Variants in SEC62 observed in about 807,000 individuals in gnomAD.
SEC62 encodes translocation protein SEC62.
SEC62 carries 10 observed loss-of-function variants against 47.5 expected under a neutral mutation model. The observed-to-expected ratio is 0.21, with a 90% CI of 0.13 to 0.36. The LOEUF (loss-of-function observed/expected upper bound fraction) is 0.36, where lower values mean the gene tolerates loss of function less well. SEC62 is among the 10% of genes least tolerant of loss of function. The probability of loss-of-function intolerance (pLI) is 1.00; values close to 1 mark genes in which losing one functional copy is unlikely to be tolerated. For missense variants in SEC62, 327 were observed against 464.1 expected, an observed-to-expected ratio of 0.70 and a Z score of 2.71; for synonymous variants, 136 against 150.5, an observed-to-expected ratio of 0.90 and a Z score of 0.71.
rs969219661 is a variant in SEC62, at chr3:169,994,278, T to A, written c.*1215T>A. On this transcript the variant is annotated 3_prime_UTR_variant, in exon 8 of 8. Transcript: ENST00000337002. ...GTCTTTGGAAACTCTTGTTTACTTA[T>A]GAGCATAATCATTCCTTGGAGTTAT... The A allele has an allele frequency of 1.3e-5, 2 of 152,654 alleles. No homozygotes were observed. The highest frequency in any genetic ancestry group is 2.9e-5 in the Non-Finnish European group (2 of 68,022). The allele number at this position is 152,654 out of a possible 1,614,324, so 9.5% of individuals were successfully genotyped here.
At chr3:169,966,951 GCGA>G in intron 1 of SEC62, 93 bp downstream of exon 1, 1 of 1,268,104 alleles carries the variant, frequency 7.9e-7, no homozygotes, top group Non-Finnish European at 1.1e-6. Context: ...GAAAGCAAGG[GCGA>G]GGTGGGGTGG....
chr3:169,994,778 T>G lies in SEC62; in HGVS notation c.*1715T>G, dbSNP rs1715335015. 1 of 152,172 alleles carries G rather than the reference T, an allele frequency of 6.6e-6. No homozygotes were observed. The highest frequency in any genetic ancestry group is 6.5e-5 in the Admixed American group (1 of 15,280). The allele number at this position is 152,172 out of a possible 1,614,324, so 9.4% of individuals were successfully genotyped here. On this transcript the variant is annotated 3_prime_UTR_variant, in exon 8 of 8. Transcript: ENST00000337002. ...GTGTTTTTCAGAAATAAAAATTATTTCATTAACCTTTACTATTACTGTGAT... is the reference window on the plus strand; with the variant it reads ...GTGTTTTTCAGAAATAAAAATTATTGCATTAACCTTTACTATTACTGTGAT...
rs1715367275 is a variant in SEC62 at position 169,996,017 on chromosome 3, CAG to C, written c.*2956_*2957del. Reference sequence around the variant, plus strand: ...TTAAACAGTGAAATCAAAAAAAGAACAGAAATGCAAAAACCATGGCATTAGCG... The same window carrying C: ...TTAAACAGTGAAATCAAAAAAAGAACAAATGCAAAAACCATGGCATTAGCG... On this transcript the variant is annotated 3_prime_UTR_variant, in exon 8 of 8. Transcript: ENST00000337002. 1 of 152,014 alleles carries C rather than the reference CAG, an allele frequency of 6.6e-6. No individual in the cohort carries two copies. Among genetic ancestry groups the C allele is most frequent in the African/African-American group, 2.4e-5 (1 of 41,362 alleles). 9.4% of individuals were successfully genotyped at this position (152,014 alleles called of 1,614,324 possible). A position where few individuals can be genotyped will look rare whatever the true frequency, so the allele number is the denominator to read the frequency against.
At chr3:169,975,495 G>T (rs1479850389) in intron 1 of SEC62, 113 bp from the exon 2 acceptor site, 2 of 626,836 alleles carry the variant, frequency 3.2e-6, no homozygotes, top group East Asian at 2.9e-5. Flanking sequence ...AAGCTTGAAA[G>T]CAAGGCCTGT....
chr3:169,971,949 T>C (rs1714709635), intron 1 of SEC62, among the ~76,000 whole-genome samples: 1 of 152,256 alleles, frequency 6.6e-6, no homozygotes, highest in African/African-American at 2.4e-5. Context: ...CTGACATCTT[T>C]ACCTAGCCAT....
chr3:169,974,959 T>C (rs1714795682), intron 1 of SEC62, among the ~76,000 whole-genome samples: 2 of 152,214 alleles, frequency 1.3e-5, no homozygotes, highest in Non-Finnish European at 2.9e-5. Context: ...ACATCTTATC[T>C]TTTTAATTAC....
In SEC62 at chr3:169,986,820, G is replaced by A. The variant is rs532138189; in HGVS notation, c.610+955G>A. 4.8e-4 allele frequency among the ~76,000 whole-genome samples: 73 copies of A among 152,188 alleles called. 2 individuals are homozygous for A. In the South Asian group the frequency reaches 0.012, roughly 26 times the overall value. Reference sequence around the variant, plus strand: ...ATGGCTCACTGCAGCCCGACTTGCTGGGGTCAGGTGATCTCCCACATCAGC... The same window carrying A: ...ATGGCTCACTGCAGCCCGACTTGCTAGGGTCAGGTGATCTCCCACATCAGC... On this transcript the variant is annotated intron_variant, in intron 6 of 7. Transcript: ENST00000337002.
In SEC62 at chr3:169,996,870, A is replaced by G. The variant is rs1715389560; in HGVS notation, c.*3807A>G. ...CTATACCTATACTTATCTCCTCATAATATCTTCATGTAAAGAACCATCTGT... is the reference window on the plus strand; with the variant it reads ...CTATACCTATACTTATCTCCTCATAGTATCTTCATGTAAAGAACCATCTGT... On this transcript the variant is annotated 3_prime_UTR_variant, in exon 8 of 8. Transcript: ENST00000337002. 1 of 152,178 alleles carries G rather than the reference A, an allele frequency of 6.6e-6. No homozygotes were observed. The highest frequency in any genetic ancestry group is 2.4e-5 in the African/African-American group (1 of 41,438). 9.4% of individuals were successfully genotyped at this position (152,178 alleles called of 1,614,324 possible). A position where few individuals can be genotyped will look rare whatever the true frequency, so the allele number is the denominator to read the frequency against.
At position 169,993,064 on chromosome 3, in the gene SEC62, T is replaced by G. The variant is rs1715286112; in HGVS notation, c.*1T>G. The G allele has an allele frequency of 6.3e-7, 1 of 1,581,796 alleles. No homozygotes were observed. Among genetic ancestry groups the G allele is most frequent in the African/African-American group, 1.4e-5 (1 of 73,474 alleles). ...TAAATCTTCACATGAAAAATCATAATCTGACTAATTTTGGGACTGAATGAA... is the reference window on the plus strand; with the variant it reads ...TAAATCTTCACATGAAAAATCATAAGCTGACTAATTTTGGGACTGAATGAA... On this transcript the variant is annotated 3_prime_UTR_variant, in exon 8 of 8. Transcript: ENST00000337002.
intron 2 of SEC62, 93 bp downstream of exon 2, chr3:169,975,809 A>G (rs1005915153): frequency 5.2e-5 from 40 of 764,466 alleles, no homozygotes; most frequent in Non-Finnish European, 8.6e-5. Flanking sequence ...GTGCTTTCCA[A>G]ATGTGATTGT....
Position 169,980,925 on chromosome 3 carries a change from T to C in SEC62, c.252-1782T>C, listed in dbSNP as rs117790227. 2.0e-5 allele frequency among the ~76,000 whole-genome samples: 3 copies of C among 152,302 alleles called. No individual in the cohort carries two copies. The East Asian group carries it at 5.8e-4, about 29-fold the overall frequency. On this transcript the variant is annotated intron_variant, in intron 3 of 7. Coordinates refer to ENST00000337002, the MANE Select transcript of SEC62 (RefSeq NM_003262.4). ...TATTTTCATTTGGAGTGGAAATAAA[T>C]GTTCCTGAAAGAAAATCTGGAAATC... is the stretch of plus-strand genomic sequence containing the variant.
intron 6 of SEC62, among the ~76,000 whole-genome samples, chr3:169,986,773 G>A (rs1715118382): frequency 6.6e-6 from 1 of 152,042 alleles, no homozygotes; most frequent in African/African-American, 2.4e-5. Context: ...TGTCACCCAG[G>A]CTGGAATGCA....
intron 1 of SEC62, among the ~76,000 whole-genome samples, chr3:169,969,644 G>A (rs550995805): frequency 1.3e-5 from 2 of 152,002 alleles, no homozygotes; most frequent in Non-Finnish European, 2.9e-5. Flanking sequence ...ATCCAGGATC[G>A]TCAATCAAGA....
intron 3 of SEC62, among the ~76,000 whole-genome samples, chr3:169,979,560 A>C (rs1351711075): frequency 1.3e-5 from 2 of 152,076 alleles, no homozygotes; most frequent in Non-Finnish European, 2.9e-5. Context: ...CACATGCCAC[A>C]CTCATTTTTT....
At chr3:169,978,137 G>C (rs1181393906) in intron 3 of SEC62, among the ~76,000 whole-genome samples, 1 of 152,116 alleles carries the variant, frequency 6.6e-6, no homozygotes, top group Non-Finnish European at 1.5e-5. Context: ...AAATTAGCCA[G>C]GTGTGGTGGC....
In SEC62 at chr3:169,992,622, G is replaced by C. The variant is rs781470019; in HGVS notation, c.759G>C (p.Trp253Cys). 6.2e-7 allele frequency: 1 copy of C among 1,613,480 alleles called. No individual in the cohort carries two copies. The highest frequency in any genetic ancestry group is 8.5e-7 in the Non-Finnish European group (1 of 1,179,888). Residue 253 changes from tryptophan (W) to cysteine (C), a missense_variant, in exon 8 of 8, where the codon TGG becomes TGC. Coordinates refer to ENST00000337002, the MANE Select transcript of SEC62 (RefSeq NM_003262.4). This position sits in a 1 kb window ranked among gnomAD's most constrained non-coding sequence, Gnocchi z 4.0. ...GATGCATTCTATTTCTCATCATTTGGCTCATAACTGGAGGAAGGCACCACT... is the reference window on the plus strand; with the variant it reads ...GATGCATTCTATTTCTCATCATTTGCCTCATAACTGGAGGAAGGCACCACT... ...VARCILFLII[W>C]LITGGRHHFW... is the part of the protein sequence containing the mutation.
intron 1 of SEC62, among the ~76,000 whole-genome samples, 188 bp downstream of exon 1, chr3:169,967,046 G>C (rs760001047): frequency 1.3e-5 from 2 of 152,208 alleles, no homozygotes; most frequent in Non-Finnish European, 2.9e-5. Flanking sequence ...TGTTGGCGAC[G>C]GCGGAGACAG....
intron 7 of SEC62, among the ~76,000 whole-genome samples, chr3:169,989,425 T>C (rs564310824): frequency 1.3e-4 from 19 of 148,008 alleles, no homozygotes; most frequent in Admixed American, 1.0e-3. Context: ...AAAAATCCCC[T>C]GCTGGTTTTG....
chr3:169,973,399 C>T (rs1047116316), intron 1 of SEC62, among the ~76,000 whole-genome samples: 8 of 152,106 alleles, frequency 5.3e-5, no homozygotes, highest in African/African-American at 1.7e-4. Context: ...TGGTGGCTTA[C>T]GCCTGTAATC....
Sources: gnomAD v4.1 joint callset for allele counts (sites outside exome capture counted in the v4.1 genomes callset) on GRCh38, gnomAD v4.1.1 for gene constraint, Gnocchi (gnomAD v3.1) non-coding constraint, MANE v1.5 for transcripts, NCBI Gene and HGNC (gene_info 2026-07-23, HGNC 2026-07-21) for gene names.